The following MTCL1 variants were observed in gnomAD, a reference collection of about 807,000 sequenced individuals.
MTCL1 encodes microtubule crosslinking factor 1, also known as microtubule cross-linking factor 1.
In MTCL1, 79 loss-of-function variants were observed where a neutral mutation model predicts 141.4. The ratio of observed to expected loss-of-function variants is 0.56; its 90% CI spans 0.47 to 0.67. MTCL1 has a LOEUF of 0.67. MTCL1 is among the 30% of genes least tolerant of loss of function. The probability of loss-of-function intolerance (pLI) is 0.00; values close to 1 mark genes in which losing one functional copy is unlikely to be tolerated. For synonymous variants in MTCL1, 914 were observed against 875.8 expected (o/e 1.04, Z -0.77); for missense variants, 2,177 against 2,113.9 (o/e 1.03, Z -0.59).
At chr18:8,789,553 A>G in intron 7 of MTCL1, 6 of 985,448 alleles carry the variant, frequency 6.1e-6, no homozygotes, top group Non-Finnish European at 7.2e-6. Context: ...ATGCAGCTCT[A>G]TTGGGGAAGA....
chr18:8,718,881 C>A (rs974224576), intron 3 of MTCL1, among the ~76,000 whole-genome samples: 1 of 151,934 alleles, frequency 6.6e-6, no homozygotes, highest in Non-Finnish European at 1.5e-5. Context: ...TTTGTGATAA[C>A]GAAGAATTAA....
chr18:8,741,916 G>A (rs977083570), intron 4 of MTCL1, among the ~76,000 whole-genome samples: 6 of 152,122 alleles, frequency 3.9e-5, no homozygotes, highest in African/African-American at 4.8e-5. Flanking sequence ...CTTGTTTTTC[G>A]CAAGGAAGAG....
intron 4 of MTCL1, among the ~76,000 whole-genome samples, chr18:8,741,979 G>A (rs1195939509): frequency 6.6e-6 from 1 of 151,882 alleles, no homozygotes; most frequent in Non-Finnish European, 1.5e-5. Flanking sequence ...CCAAGAAAAC[G>A]CCTGCTTCCT....
exon 17 of MTCL1, chr18:8,832,527 C>T (rs2077215515): frequency 6.6e-6 from 1 of 152,310 alleles, no homozygotes; most frequent in African/African-American, 2.4e-5. Context: ...CAGTCTGTTC[C>T]ACTGTAATAT....
chr18:8,795,936 G>A (rs1271886332), intron 8 of MTCL1, among the ~76,000 whole-genome samples: 1 of 152,150 alleles, frequency 6.6e-6, no homozygotes, highest in Non-Finnish European at 1.5e-5. Context: ...TCCAAGACAC[G>A]GTTTTCCTGA....
At chr18:8,808,342 G>A (rs749870752) in intron 11 of MTCL1, among the ~76,000 whole-genome samples, 17 of 152,180 alleles carry the variant, frequency 1.1e-4, no homozygotes, top group African/African-American at 1.7e-4. Flanking sequence ...TCCAAAGCCC[G>A]AACTATAGCT....
chr18:8,827,082 C>T (rs904494628), intron 15 of MTCL1, among the ~76,000 whole-genome samples: 11 of 152,216 alleles, frequency 7.2e-5, no homozygotes, highest in African/African-American at 4.8e-5. Context: ...GATTCCAACT[C>T]GCCAGGAGTC....
intron 10 of MTCL1, among the ~76,000 whole-genome samples, chr18:8,801,312 C>CTTTTTTTT (rs34443749): frequency 7.0e-6 from 1 of 143,272 alleles, no homozygotes. Context: ...ATCTGCCTGA[C>CTTTTTTTT]TTTTTTTTTT....
chr18:8,803,063 G>A (rs2076173980), intron 10 of MTCL1, among the ~76,000 whole-genome samples: 1 of 151,830 alleles, frequency 6.6e-6, no homozygotes, highest in Non-Finnish European at 1.5e-5. Context: ...TAACTTTTAG[G>A]TATTCTCTCA....
At position 8,830,352 on chromosome 18, in the gene MTCL1, C is replaced by T; in HGVS notation, c.*19-1255C>T. The T allele has an allele frequency of 1.0e-6, 1 of 985,612 alleles. No homozygotes were observed. The allele number at this position is 985,612 out of a possible 1,614,324, so 61.1% of individuals were successfully genotyped here. ...CAGCAGGGAGCATGAAGCATAGTCT[C>T]CAGGGCCACTGTTCCTTTTCTGCTG... On this transcript the variant is annotated intron_variant, in intron 16 of 16. Transcript: ENST00000359865. This position sits in a 1 kb window ranked among gnomAD's most constrained non-coding sequence, Gnocchi z 6.4.
chr18:8,819,178 G>A, exon 13 of MTCL1: 1 of 1,614,224 alleles, frequency 6.2e-7, no homozygotes, highest in Non-Finnish European at 8.5e-7. Flanking sequence ...ATCTCTACCT[G>A]GATGCCTTGT....
intron 13 of MTCL1, among the ~76,000 whole-genome samples, chr18:8,820,136 G>A (rs1275720564): frequency 1.3e-5 from 2 of 152,152 alleles, no homozygotes; most frequent in African/African-American, 2.4e-5. Flanking sequence ...AGGGCCGGAT[G>A]TGGTGGCTCA....
chr18:8,789,014 G>A (rs561785882), intron 7 of MTCL1, among the ~76,000 whole-genome samples: 3 of 152,264 alleles, frequency 2.0e-5, no homozygotes, highest in South Asian at 2.1e-4. Flanking sequence ...TGGAATGTGC[G>A]AGGCACCTTA....
intron 4 of MTCL1, among the ~76,000 whole-genome samples, chr18:8,765,185 C>T (rs1189809257): frequency 6.6e-6 from 1 of 152,172 alleles, no homozygotes; most frequent in Non-Finnish European, 1.5e-5. Context: ...TTTTTTGAAG[C>T]ACATTTGCAC....
At chr18:8,728,392 T>C (rs1442925213) in intron 4 of MTCL1, among the ~76,000 whole-genome samples, 1 of 152,114 alleles carries the variant, frequency 6.6e-6, no homozygotes, top group Non-Finnish European at 1.5e-5. Flanking sequence ...GAAGATAATA[T>C]TTTATTATCT....
In MTCL1 at chr18:8,706,085, C is replaced by G. The variant is rs891629707; in HGVS notation, c.425C>G (p.Ser142Cys). 1.1e-4 allele frequency: 135 copies of G among 1,203,740 alleles called. 1 individual carries two copies. The highest frequency in any genetic ancestry group is 6.5e-4 in the Middle Eastern group (2 of 3,056). The allele number at this position is 1,203,740 out of a possible 1,614,324, so 74.6% of individuals were successfully genotyped here. Reference sequence around the variant, plus strand: ...CGCGTGGCGCCCGCGGAGCCGCTGTCCCGGGCTGGGAAGCCTCCCGGAGCC... The same window carrying G: ...CGCGTGGCGCCCGCGGAGCCGCTGTGCCGGGCTGGGAAGCCTCCCGGAGCC... The change falls in exon 1 of 14, where the codon TCC (serine) becomes TGC (cysteine). Residue 142 changes from serine (S) to cysteine (C), a missense_variant. Coordinates refer to the MTCL1 transcript ENST00000306329.
chr18:8,772,418 AC>A (rs1249136461), intron 4 of MTCL1, among the ~76,000 whole-genome samples: 1 of 151,754 alleles, frequency 6.6e-6, no homozygotes, highest in African/African-American at 2.4e-5. Flanking sequence ...TATTTTCCTG[AC>A]CTTTTTTTTT....
intron 4 of MTCL1, among the ~76,000 whole-genome samples, chr18:8,777,159 C>T (rs1308277516): frequency 2.0e-5 from 3 of 152,116 alleles, no homozygotes; most frequent in Admixed American, 6.6e-5. Flanking sequence ...TGGCATGAAC[C>T]CGGGAGGTGG....
At chr18:8,806,804 A>C in intron 10 of MTCL1, 89 bp from the exon 10 acceptor site, 11 of 1,139,158 alleles carry the variant, frequency 9.7e-6, no homozygotes, top group Admixed American at 2.1e-5. Flanking sequence ...AACAGCCCCC[A>C]CACTACCTTG....
Sources: allele counts gnomAD v4.1 joint callset (sites outside exome capture counted in the v4.1 genomes callset), GRCh38; gene constraint gnomAD v4.1.1; non-coding constraint Gnocchi (gnomAD v3.1); transcripts MANE v1.5; gene names NCBI Gene and HGNC (gene_info 2026-07-23, HGNC 2026-07-21).